ARHGEF3: variants seen among roughly 807,000 people sequenced by gnomAD.
ARHGEF3 encodes 59.8 kDA protein.
ARHGEF3 carries 28 observed loss-of-function variants against 63.2 expected under a neutral mutation model. The observed-to-expected ratio is 0.44, with a 90% CI of 0.33 to 0.61. The LOEUF is 0.61. ARHGEF3 is among the 20% of genes least tolerant of loss of function. The pLI is 0.03. For missense variants in ARHGEF3, 533 were observed against 659.3 expected, an observed-to-expected ratio of 0.81 and a Z score of 2.10; for synonymous variants, 266 against 254.2, an observed-to-expected ratio of 1.05 and a Z score of -0.44.
chr3:56,995,657 GAGAGAGAGAGAGAGAA>G (rs1701951894), intron 2 of ARHGEF3, among the ~76,000 whole-genome samples: 1 of 122,364 alleles, frequency 8.2e-6, no homozygotes, highest in Non-Finnish European at 1.8e-5. Flanking sequence ...GAGAGAGAGA[GAGAGAGAGAGAGAGAA>G]TTTTTTTTAA....
intron 4 of ARHGEF3, among the ~76,000 whole-genome samples, chr3:56,807,663 C>A (rs922998107): frequency 2.0e-5 from 3 of 152,124 alleles, no homozygotes; most frequent in African/African-American, 4.8e-5. Flanking sequence ...GGGGAGGGAA[C>A]CTAAAGAAGT....
chr3:57,013,944 C>T (rs542259729), intron 2 of ARHGEF3, among the ~76,000 whole-genome samples: 7 of 152,338 alleles, frequency 4.6e-5, no homozygotes, highest in African/African-American at 1.7e-4. Flanking sequence ...GGTCAATTTC[C>T]ACTCTGGGGA....
At chr3:56,775,283 CTCATG>C in intron 1 of ARHGEF3, 1 of 1,243,672 alleles carries the variant, frequency 8.0e-7, no homozygotes, top group Non-Finnish European at 1.0e-6. Flanking sequence ...CTGAGACACT[CTCATG>C]TCATTTTATG....
At chr3:56,882,182 T>C (rs1304700559) in intron 4 of ARHGEF3, 15 of 1,074,090 alleles carry the variant, frequency 1.4e-5, no homozygotes, top group Non-Finnish European at 2.0e-5. Flanking sequence ...ACAACTTCCA[T>C]AGTCAGATCC....
At chr3:56,961,794 G>T (rs1179784498) in intron 2 of ARHGEF3, among the ~76,000 whole-genome samples, 1 of 152,164 alleles carries the variant, frequency 6.6e-6, no homozygotes, top group Non-Finnish European at 1.5e-5. Flanking sequence ...TGTAATCCCA[G>T]CATTTTGGGA....
At chr3:56,916,908 G>A (rs1004761901) in intron 3 of ARHGEF3, among the ~76,000 whole-genome samples, 4 of 152,110 alleles carry the variant, frequency 2.6e-5, no homozygotes, top group Non-Finnish European at 2.9e-5. Flanking sequence ...ACACCCATCC[G>A]TTTCTTTTTG....
At chr3:56,821,146 G>C (rs2038476272) in intron 4 of ARHGEF3, among the ~76,000 whole-genome samples, 1 of 151,954 alleles carries the variant, frequency 6.6e-6, no homozygotes, top group South Asian at 2.1e-4. Flanking sequence ...AACAGAGTGA[G>C]AGACCCTGTC....
intron 2 of ARHGEF3, among the ~76,000 whole-genome samples, chr3:56,969,202 A>C (rs1700798263): frequency 6.6e-6 from 1 of 152,204 alleles, no homozygotes; most frequent in Non-Finnish European, 1.5e-5. Context: ...ATCCCAAACA[A>C]ATACATGTGC....
At chr3:56,934,024 A>T (rs1578877436) in intron 3 of ARHGEF3, among the ~76,000 whole-genome samples, 1 of 152,208 alleles carries the variant, frequency 6.6e-6, no homozygotes, top group East Asian at 1.9e-4. Context: ...TTTCCCTTCC[A>T]CTATGATTGT....
chr3:56,958,319 ATT>A (rs532097300), intron 3 of ARHGEF3, among the ~76,000 whole-genome samples: 2,753 of 133,218 alleles, frequency 0.021, 76 homozygotes, highest in African/African-American at 0.066. Flanking sequence ...GGCCACTTGA[ATT>A]TTTTTTTTTT....
At chr3:56,979,961 G>A (rs1034056085) in intron 2 of ARHGEF3, among the ~76,000 whole-genome samples, 7 of 152,188 alleles carry the variant, frequency 4.6e-5, no homozygotes, top group African/African-American at 1.7e-4. Flanking sequence ...AACCAGCTGC[G>A]TGGGTTCTGA....
At chr3:57,002,062 T>G (rs1465244530) in intron 2 of ARHGEF3, among the ~76,000 whole-genome samples, 1 of 151,782 alleles carries the variant, frequency 6.6e-6, no homozygotes, top group Non-Finnish European at 1.5e-5. Flanking sequence ...TAGCTGGGAC[T>G]ACAGGCGCCC....
At chr3:56,798,253 C>T (rs2037466843) in intron 1 of ARHGEF3, among the ~76,000 whole-genome samples, 2 of 152,198 alleles carry the variant, frequency 1.3e-5, no homozygotes, top group Admixed American at 1.3e-4. Context: ...TGGTCTATGG[C>T]ACTACAAATT....
chr3:57,001,597 G>A (rs1283289036), intron 2 of ARHGEF3, among the ~76,000 whole-genome samples: 1 of 152,170 alleles, frequency 6.6e-6, no homozygotes, highest in Non-Finnish European at 1.5e-5. Flanking sequence ...GAAATCTGCT[G>A]GGATTCCTGA....
chr3:57,055,334 G>A (rs931305653), intron 1 of ARHGEF3, among the ~76,000 whole-genome samples: 4 of 151,882 alleles, frequency 2.6e-5, no homozygotes, highest in Non-Finnish European at 5.9e-5. Context: ...GCTAATTTTC[G>A]TATTTTTAGA....
intron 2 of ARHGEF3, among the ~76,000 whole-genome samples, chr3:56,988,142 T>C (rs1701613761): frequency 6.6e-6 from 1 of 152,070 alleles, no homozygotes; most frequent in African/African-American, 2.4e-5. Context: ...GTTTTGTGTT[T>C]TGTTTTTGTT....
chr3:56,763,195 C>A (rs935613564), intron 2 of ARHGEF3, among the ~76,000 whole-genome samples: 9 of 152,160 alleles, frequency 5.9e-5, no homozygotes, highest in African/African-American at 9.6e-5. Flanking sequence ...AAGTACCTCA[C>A]AAAGTTGTAG....
chr3:56,780,480 T>C (rs535258999), intron 1 of ARHGEF3, among the ~76,000 whole-genome samples: 1 of 152,352 alleles, frequency 6.6e-6, no homozygotes, highest in Non-Finnish European at 1.5e-5. Context: ...GAAATTAACA[T>C]TGGGGCAATA....
At chr3:56,952,353 C>T (rs1699852063) in intron 3 of ARHGEF3, among the ~76,000 whole-genome samples, 1 of 152,100 alleles carries the variant, frequency 6.6e-6, no homozygotes, top group African/African-American at 2.4e-5. Flanking sequence ...TTCCAACAGC[C>T]CAAATGAACT....
Sources: allele counts gnomAD v4.1 joint callset (sites outside exome capture counted in the v4.1 genomes callset), GRCh38; gene constraint gnomAD v4.1.1; transcripts MANE v1.5; gene names NCBI Gene and HGNC (gene_info 2026-07-23, HGNC 2026-07-21).